DAB1: variants seen among roughly 807,000 people sequenced by gnomAD.
DAB1 encodes DAB adaptor protein 1.
In DAB1, 15 loss-of-function variants were observed where a neutral mutation model predicts 64.6. The observed-to-expected ratio is 0.23, with a 90% CI of 0.16 to 0.36. The LOEUF (loss-of-function observed/expected upper bound fraction) is 0.36, where lower values mean the gene tolerates loss of function less well. Among genes scored for constraint, DAB1 ranks in the 10% least tolerant of loss-of-function variants. The pLI, the probability that DAB1 is intolerant of heterozygous loss-of-function variation, is 1.00. For missense variants in DAB1, 596 were observed against 706.7 expected (o/e 0.84, Z 1.78); for synonymous variants, 235 against 251.9 (o/e 0.93, Z 0.64).
intron 1 of DAB1, among the ~76,000 whole-genome samples, chr1:57,362,581 G>A (rs1476578134): frequency 6.6e-6 from 1 of 152,288 alleles, no homozygotes; most frequent in African/African-American, 2.4e-5. Context: ...GTGAGCCCTA[G>A]TGAGTGGGAT....
rs1169459055 is a variant in DAB1 at position 57,896,158 on chromosome 1, C to A, written n.388-11996G>T. ...GTTTTACAACCTATAGGCTGTGTGACCCTAGTTATGTCACACAACCCTTCC... is the reference window on the plus strand; with the variant it reads ...GTTTTACAACCTATAGGCTGTGTGAACCTAGTTATGTCACACAACCCTTCC... On this transcript the variant is annotated intron_variant and non_coding_transcript_variant, in intron 5 of 20. Transcript: ENST00000485760. Among the ~76,000 whole-genome samples, 3 of 152,112 alleles carry A rather than the reference C, an allele frequency of 2.0e-5. No individual in the cohort carries two copies. The East Asian group carries it at 5.8e-4, about 29-fold the overall frequency.
At chr1:58,017,045 T>C (rs1286193771) in intron 5 of DAB1, among the ~76,000 whole-genome samples, 6 of 152,106 alleles carry the variant, frequency 3.9e-5, no homozygotes, top group Admixed American at 2.0e-4. Flanking sequence ...ATGGTCATGG[T>C]GGCACAGTGG....
At chr1:58,233,234 T>A (rs1557706933) in intron 4 of DAB1, among the ~76,000 whole-genome samples, 1 of 152,176 alleles carries the variant, frequency 6.6e-6, no homozygotes, top group Non-Finnish European at 1.5e-5. Flanking sequence ...AGAAAGGAAA[T>A]AACATTTATT....
chr1:58,158,175 CT>C (rs1172948377), intron 4 of DAB1, among the ~76,000 whole-genome samples: 1 of 152,064 alleles, frequency 6.6e-6, no homozygotes, highest in Admixed American at 6.6e-5. Context: ...TACAAATTAC[CT>C]TATGCACTGA....
At chr1:58,515,667 T>G (rs1646147791) in intron 2 of DAB1, among the ~76,000 whole-genome samples, 1 of 152,170 alleles carries the variant, frequency 6.6e-6, no homozygotes, top group African/African-American at 2.4e-5. Flanking sequence ...AAAAGAATCA[T>G]TAAGCAAAGA....
At chr1:58,328,345 A>C (rs1213640) in intron 4 of DAB1, among the ~76,000 whole-genome samples, 116,388 of 152,176 alleles carry the variant, frequency 0.76, 45,524 homozygotes, top group African/African-American at 0.93. Flanking sequence ...TCCCGTTTTC[A>C]TAGTTCAGGT....
At chr1:57,378,471 G>A (rs935991683) in intron 1 of DAB1, among the ~76,000 whole-genome samples, 2 of 152,144 alleles carry the variant, frequency 1.3e-5, no homozygotes, top group South Asian at 2.1e-4. Context: ...TATAAATAAA[G>A]CCACCCATTC....
chr1:57,799,584 C>CT (rs1651029855), intron 6 of DAB1, among the ~76,000 whole-genome samples: 2 of 111,942 alleles, frequency 1.8e-5, no homozygotes, highest in East Asian at 6.8e-4. Flanking sequence ...AAAAAAAGAT[C>CT]TGGGGGGGGC....
chr1:57,059,082 G>T (rs929364340), intron 9 of DAB1, among the ~76,000 whole-genome samples: 1 of 152,186 alleles, frequency 6.6e-6, no homozygotes, highest in South Asian at 2.1e-4. Flanking sequence ...CCAATCCCTG[G>T]CTCAGTGAGG....
chr1:57,256,978 T>C (rs779309760), intron 2 of DAB1, among the ~76,000 whole-genome samples: 1 of 152,220 alleles, frequency 6.6e-6, no homozygotes, highest in African/African-American at 2.4e-5. Flanking sequence ...GGTTTCAGAA[T>C]TTTAGGGTTG....
At chr1:58,086,316 A>G (rs1650311624) in intron 5 of DAB1, among the ~76,000 whole-genome samples, 1 of 152,074 alleles carries the variant, frequency 6.6e-6, no homozygotes, top group Non-Finnish European at 1.5e-5. Flanking sequence ...CTCAACACCT[A>G]ACACATTTAA....
At chr1:58,381,977 AAAG>A (rs567694983) in intron 3 of DAB1, among the ~76,000 whole-genome samples, 213 of 149,474 alleles carry the variant, frequency 1.4e-3, no homozygotes, top group African/African-American at 4.0e-3. Flanking sequence ...TGACACCATG[AAAG>A]AAGAAACAGT....
At chr1:58,411,485 G>A (rs567131214) in intron 3 of DAB1, among the ~76,000 whole-genome samples, 2 of 152,302 alleles carry the variant, frequency 1.3e-5, no homozygotes, top group South Asian at 2.1e-4. Flanking sequence ...ACAGAATGCT[G>A]TGGGAGCCTC....
At chr1:58,276,795 C>A (rs547371107) in intron 4 of DAB1, among the ~76,000 whole-genome samples, 1 of 152,066 alleles carries the variant, frequency 6.6e-6, no homozygotes, top group African/African-American at 2.4e-5. Context: ...TTCTTTTTTT[C>A]ATTTCACTGA....
chr1:57,705,616 C>A (rs7553856), intron 6 of DAB1, among the ~76,000 whole-genome samples: 45,040 of 151,970 alleles, frequency 0.3, 6,888 homozygotes, highest in East Asian at 0.45. Context: ...ATAAAAAGCT[C>A]TCCCTACCCC....
At chr1:57,369,986 T>C (rs1386847289) in intron 1 of DAB1, among the ~76,000 whole-genome samples, 6 of 152,144 alleles carry the variant, frequency 3.9e-5, no homozygotes, top group African/African-American at 1.2e-4. Flanking sequence ...TCTTCCCAGT[T>C]CAGTATTTCT....
chr1:58,231,428 G>A (rs1020213727), intron 4 of DAB1, among the ~76,000 whole-genome samples: 5 of 152,134 alleles, frequency 3.3e-5, no homozygotes, highest in East Asian at 1.9e-4. Flanking sequence ...GCAAATGGGC[G>A]AACCAGATGT....
At chr1:58,047,674 T>G (rs1248490566) in intron 5 of DAB1, among the ~76,000 whole-genome samples, 1 of 152,184 alleles carries the variant, frequency 6.6e-6, no homozygotes, top group Non-Finnish European at 1.5e-5. Context: ...GTAGAATAAA[T>G]GAAAGATCTT....
intron 3 of DAB1, among the ~76,000 whole-genome samples, chr1:58,447,646 T>C (rs1006564224): frequency 6.6e-6 from 1 of 152,136 alleles, no homozygotes; most frequent in African/African-American, 2.4e-5. Context: ...GAAGGAACGA[T>C]ACACAGTGCT....
Sources: allele counts gnomAD v4.1 joint callset (sites outside exome capture counted in the v4.1 genomes callset), GRCh38; gene constraint gnomAD v4.1.1; transcripts MANE v1.5; gene names NCBI Gene and HGNC (gene_info 2026-07-23, HGNC 2026-07-21).